DNAJC1: variants seen among roughly 807,000 people sequenced by gnomAD.
The protein encoded by DNAJC1 is DnaJ heat shock protein family (Hsp40) member C1.
DNAJC1 carries 58 observed loss-of-function variants against 76.6 expected under a neutral mutation model. The observed-to-expected ratio is 0.76, with a 90% CI of 0.61 to 0.94. The LOEUF is 0.94. DNAJC1 is among the 40% of genes least tolerant of loss of function. The probability of loss-of-function intolerance (pLI) is 0.00; values close to 1 mark genes in which losing one functional copy is unlikely to be tolerated. For missense variants in DNAJC1, 689 were observed against 677.3 expected (o/e 1.02, Z -0.19); for synonymous variants, 258 against 267.9 (o/e 0.96, Z 0.36).
chr10:21,916,657 T>G (rs527919235), intron 6 of DNAJC1, among the ~76,000 whole-genome samples: 13 of 152,206 alleles, frequency 8.5e-5, no homozygotes, highest in African/African-American at 3.1e-4. Context: ...TAACTTCGGG[T>G]GAAAAAGACT....
At chr10:21,891,234 C>T (rs1836457180) in intron 7 of DNAJC1, among the ~76,000 whole-genome samples, 1 of 151,832 alleles carries the variant, frequency 6.6e-6, no homozygotes, top group Non-Finnish European at 1.5e-5. Context: ...GTTATCAAAG[C>T]AGCCATGTCA....
At chr10:21,840,874 A>C (rs1289484105) in intron 8 of DNAJC1, among the ~76,000 whole-genome samples, 1 of 152,226 alleles carries the variant, frequency 6.6e-6, no homozygotes, top group Non-Finnish European at 1.5e-5. Context: ...TACAGTAACC[A>C]AAACAGCATG....
chr10:21,838,572 T>C (rs563647914), intron 8 of DNAJC1, among the ~76,000 whole-genome samples: 68 of 152,142 alleles, frequency 4.5e-4, no homozygotes, highest in African/African-American at 1.6e-3. Context: ...TATTGTCCTA[T>C]GACCCTGCCA....
At chr10:21,813,070 CATATATATACATATAT>C (rs1283767967) in intron 8 of DNAJC1, among the ~76,000 whole-genome samples, 5 of 110,296 alleles carry the variant, frequency 4.5e-5, no homozygotes, top group African/African-American at 1.5e-4. Flanking sequence ...TACATATATA[CATATATATACATATAT>C]ACACACACAC....
intron 8 of DNAJC1, among the ~76,000 whole-genome samples, chr10:21,808,172 C>G (rs549367825): frequency 6.6e-6 from 1 of 152,178 alleles, no homozygotes; most frequent in African/African-American, 2.4e-5. Context: ...TACCTAATTT[C>G]TATGTTATTT....
chr10:21,857,060 T>C (rs891633228), intron 8 of DNAJC1, among the ~76,000 whole-genome samples: 1 of 152,116 alleles, frequency 6.6e-6, no homozygotes, highest in African/African-American at 2.4e-5. Flanking sequence ...TAAATGGTAC[T>C]AGATTATAAA....
At chr10:21,957,386 G>A (rs1441917862) in intron 1 of DNAJC1, among the ~76,000 whole-genome samples, 1 of 151,896 alleles carries the variant, frequency 6.6e-6, no homozygotes, top group East Asian at 1.9e-4. Flanking sequence ...TGTTTTTACT[G>A]CTGTAAATAA....
At chr10:21,966,837 C>T (rs1036533887) in intron 1 of DNAJC1, among the ~76,000 whole-genome samples, 1 of 151,734 alleles carries the variant, frequency 6.6e-6, no homozygotes. Flanking sequence ...AGGCACGTGC[C>T]ACCACACCCA....
At chr10:21,980,690 G>A (rs529440008) in intron 1 of DNAJC1, among the ~76,000 whole-genome samples, 8 of 152,166 alleles carry the variant, frequency 5.3e-5, no homozygotes, top group East Asian at 1.9e-4. Flanking sequence ...ATTTATTAAG[G>A]TTACATCTGA....
chr10:21,875,951 T>C lies in DNAJC1; in HGVS notation c.978+6331A>G, dbSNP rs115359834. Among the ~76,000 whole-genome samples, 1,221 of 151,764 alleles carry C rather than the reference T, an allele frequency of 8.0e-3. 10 individuals are homozygous for C. The highest frequency in any genetic ancestry group is 0.027 in the African/African-American group (1,137 of 41,372). ...AATAAATAAATAAAATTTAACAAGG[T>C]TGTTAGACAAAAATCAGTTTTAATT... is the stretch of plus-strand genomic sequence containing the variant. On this transcript the variant is annotated intron_variant, in intron 8 of 11. Coordinates refer to ENST00000376980, the MANE Select transcript of DNAJC1 (RefSeq NM_022365.4).
chr10:21,864,622 AAAAC>A (rs145886506), intron 8 of DNAJC1, among the ~76,000 whole-genome samples: 116,142 of 150,800 alleles, frequency 0.77, 45,678 homozygotes, highest in East Asian at 0.98. Context: ...ACTCTGTCTA[AAAAC>A]AAACAAACAA....
intron 8 of DNAJC1, among the ~76,000 whole-genome samples, chr10:21,840,843 C>A (rs1387459543): frequency 6.6e-6 from 1 of 152,138 alleles, no homozygotes; most frequent in African/African-American, 2.4e-5. Flanking sequence ...CACTACCTGA[C>A]TTCAAACTAT....
chr10:21,766,869 C>A (rs1834306087), intron 9 of DNAJC1, among the ~76,000 whole-genome samples: 1 of 150,782 alleles, frequency 6.6e-6, no homozygotes, highest in Non-Finnish European at 1.5e-5. Context: ...ACTCGGGAGG[C>A]TGAGGCAGGA....
intron 9 of DNAJC1, among the ~76,000 whole-genome samples, chr10:21,797,697 A>C (rs79455677): frequency 0.034 from 5,242 of 152,154 alleles, 147 homozygotes; most frequent in African/African-American, 0.066. Flanking sequence ...AGTTCCTGAT[A>C]AAAGGATGAG....
intron 8 of DNAJC1, among the ~76,000 whole-genome samples, chr10:21,847,632 T>C (rs1835681488): frequency 6.6e-6 from 1 of 152,160 alleles, no homozygotes; most frequent in Non-Finnish European, 1.5e-5. Flanking sequence ...CATTCTACTT[T>C]CTACCTCTGT....
chr10:21,968,653 A>G (rs1439395400), intron 1 of DNAJC1, among the ~76,000 whole-genome samples: 1 of 151,764 alleles, frequency 6.6e-6, no homozygotes, highest in African/African-American at 2.4e-5. Context: ...TGAGACTACA[A>G]GCATCCGCCA....
intron 9 of DNAJC1, among the ~76,000 whole-genome samples, chr10:21,774,790 A>G (rs1348297445): frequency 2.0e-5 from 3 of 152,182 alleles, no homozygotes; most frequent in African/African-American, 7.2e-5. Context: ...ACATATTAAT[A>G]TATTTTCTTA....
intron 7 of DNAJC1, among the ~76,000 whole-genome samples, chr10:21,889,053 GTA>G (rs775717652): frequency 1.3e-5 from 2 of 152,114 alleles, no homozygotes; most frequent in Non-Finnish European, 2.9e-5. Context: ...CTGAGACTGG[GTA>G]ACTGATAAAG....
chr10:21,823,936 T>C (rs1379240091), intron 8 of DNAJC1, among the ~76,000 whole-genome samples: 1 of 152,170 alleles, frequency 6.6e-6, no homozygotes, highest in Admixed American at 6.5e-5. Flanking sequence ...TGTTACTCTT[T>C]CATGTGTTTC....
Sources: allele counts gnomAD v4.1 joint callset (sites outside exome capture counted in the v4.1 genomes callset), GRCh38; gene constraint gnomAD v4.1.1; transcripts MANE v1.5; gene names NCBI Gene and HGNC (gene_info 2026-07-23, HGNC 2026-07-21).